COL14A1: variants seen among roughly 807,000 people sequenced by gnomAD.
COL14A1 encodes the protein collagen type XIV alpha 1 chain.
COL14A1 carries 136 observed loss-of-function variants against 230.3 expected under a neutral mutation model. The observed-to-expected ratio is 0.59, with a 90% CI of 0.51 to 0.68. COL14A1 has a LOEUF of 0.68. Ranked by LOEUF, COL14A1 falls within the 30% of genes least tolerant of loss-of-function variation. The pLI is 0.00. For synonymous variants in COL14A1, 792 were observed against 784.1 expected (o/e 1.01, Z -0.17); for missense variants, 1,976 against 2,215.8 (o/e 0.89, Z 2.17).
intron 14 of COL14A1, among the ~76,000 whole-genome samples, chr8:120,219,309 G>A (rs761551838): frequency 6.6e-6 from 1 of 152,102 alleles, no homozygotes; most frequent in Non-Finnish European, 1.5e-5. Context: ...TTGCCATGTG[G>A]CCCAGGCTGG....
At chr8:120,271,015 C>T (rs932958074) in intron 26 of COL14A1, among the ~76,000 whole-genome samples, 1 of 151,686 alleles carries the variant, frequency 6.6e-6, no homozygotes, top group African/African-American at 2.4e-5. Flanking sequence ...AAATGTGGTA[C>T]ATATACATCA....
chr8:120,336,358 T>C lies in COL14A1; in HGVS notation c.4785+3623T>C, dbSNP rs960311724. ...AACCCACAAAGACAGAAAGATTGCA[T>C]CACTTAGGTGGCAGTTGCAGAAAAA... On this transcript the variant is annotated intron_variant, in intron 42 of 47. Transcript: ENST00000297848. Among the ~76,000 whole-genome samples, 2 of 152,228 alleles carry C rather than the reference T, an allele frequency of 1.3e-5. 1 individual carries two copies. The highest frequency in any genetic ancestry group is 4.2e-4 in the South Asian group (2 of 4,810).
At chr8:120,357,393 G>C (rs1823025791) in intron 45 of COL14A1, among the ~76,000 whole-genome samples, 1 of 152,108 alleles carries the variant, frequency 6.6e-6, no homozygotes, top group African/African-American at 2.4e-5. Context: ...AACGCATAGA[G>C]GCTGCTTTCC....
intron 2 of COL14A1, among the ~76,000 whole-genome samples, chr8:120,149,744 A>G (rs1391901128): frequency 6.7e-6 from 1 of 148,318 alleles, no homozygotes; most frequent in Non-Finnish European, 1.5e-5. Context: ...CTGGAGTGCA[A>G]TGGCAAATGG....
chr8:120,244,992 T>G (rs1010830), intron 20 of COL14A1, among the ~76,000 whole-genome samples: 89,788 of 151,978 alleles, frequency 0.59, 27,975 homozygotes, highest in East Asian at 0.79. Context: ...CATTTCCCCA[T>G]TCATACCTCC....
chr8:120,233,183 G>A (rs1818332749), intron 19 of COL14A1, among the ~76,000 whole-genome samples: 1 of 152,066 alleles, frequency 6.6e-6, no homozygotes, highest in African/African-American at 2.4e-5. Context: ...TGTCAGATGA[G>A]TAGATTGCAA....
intron 2 of COL14A1, among the ~76,000 whole-genome samples, chr8:120,148,144 C>CTT (rs59311466): frequency 2.5e-4 from 31 of 122,964 alleles, no homozygotes; most frequent in African/African-American, 3.3e-4. Flanking sequence ...ATAGGTCATT[C>CTT]TTTTTTTTTT....
intron 36 of COL14A1, among the ~76,000 whole-genome samples, chr8:120,305,709 T>C (rs554445795): frequency 2.0e-4 from 31 of 152,276 alleles, no homozygotes; most frequent in African/African-American, 7.0e-4. Flanking sequence ...AATTTTTGCT[T>C]TTTATTTGTG....
intron 19 of COL14A1, among the ~76,000 whole-genome samples, chr8:120,235,466 C>G (rs1818412342): frequency 6.6e-6 from 1 of 151,998 alleles, no homozygotes; most frequent in Non-Finnish European, 1.5e-5. Flanking sequence ...ACCCCTGCCC[C>G]CTTTACCATT....
chr8:120,227,106 G>A (rs1041433864), intron 16 of COL14A1, 114 bp from the exon 17 acceptor site: 22 of 1,203,078 alleles, frequency 1.8e-5, no homozygotes, highest in East Asian at 1.5e-4. Flanking sequence ...AATGGACTTC[G>A]ACAGCCTTGG....
chr8:120,214,267 T>C (rs2130771261), intron 13 of COL14A1, among the ~76,000 whole-genome samples: 1 of 152,314 alleles, frequency 6.6e-6, no homozygotes, highest in Non-Finnish European at 1.5e-5. Flanking sequence ...ACTGGGACGT[T>C]GGCCAAGTTA....
rs1818074506 is a variant in COL14A1, at chr8:120,225,754, A to T, written c.1864+540A>T. ...TCTTTTCTATATGTACCCTGTAGCC[A>T]CTTTTTATCTCTTGGTGGCAACAAT... is the stretch of plus-strand genomic sequence containing the variant. On this transcript the variant is annotated intron_variant, in intron 15 of 47. Transcript: ENST00000297848. 2.0e-5 allele frequency among the ~76,000 whole-genome samples: 3 copies of T among 151,830 alleles called. 1 individual carries two copies. The South Asian group carries it at 6.3e-4, about 32-fold the overall frequency.
At chr8:120,359,531 G>A (rs1823116948) in intron 45 of COL14A1, among the ~76,000 whole-genome samples, 1 of 152,102 alleles carries the variant, frequency 6.6e-6, no homozygotes, top group Non-Finnish European at 1.5e-5. Flanking sequence ...TGCTAAACCT[G>A]AAATGTTCAT....
At chr8:120,148,928 T>A (rs551069912) in intron 2 of COL14A1, among the ~76,000 whole-genome samples, 1 of 152,338 alleles carries the variant, frequency 6.6e-6, no homozygotes, top group Admixed American at 6.5e-5. Flanking sequence ...ATAAATAAAG[T>A]TTTAGTGGCG....
At chr8:120,365,484 T>A (rs182919929) in intron 45 of COL14A1, among the ~76,000 whole-genome samples, 1 of 152,172 alleles carries the variant, frequency 6.6e-6, no homozygotes, top group Non-Finnish European at 1.5e-5. Flanking sequence ...CGGATGCACA[T>A]TGGGGCATAA....
At chr8:120,185,578 C>T (rs887904940) in intron 5 of COL14A1, among the ~76,000 whole-genome samples, 14 of 152,070 alleles carry the variant, frequency 9.2e-5, no homozygotes, top group African/African-American at 3.4e-4. Flanking sequence ...GAGGCGGGAT[C>T]ACTTGAGCCC....
chr8:120,138,830 G>GT (rs1170146336), intron 1 of COL14A1, among the ~76,000 whole-genome samples: 13 of 151,950 alleles, frequency 8.6e-5, no homozygotes, highest in Admixed American at 2.6e-4. Flanking sequence ...TTTTGTTGTT[G>GT]TTTTTTTGGT....
intron 5 of COL14A1, among the ~76,000 whole-genome samples, chr8:120,175,767 T>A (rs1245957061): frequency 6.6e-6 from 1 of 152,220 alleles, no homozygotes; most frequent in East Asian, 1.9e-4. Context: ...TGCTTATCTT[T>A]GTCTTAGAAT....
At chr8:120,243,711 G>A (rs1818678531) in intron 19 of COL14A1, among the ~76,000 whole-genome samples, 168 bp from the exon 20 acceptor site, 1 of 152,150 alleles carries the variant, frequency 6.6e-6, no homozygotes, top group African/African-American at 2.4e-5. Flanking sequence ...TACTGTGATG[G>A]GAATTTCAGG....
Sources: allele counts gnomAD v4.1 joint callset (sites outside exome capture counted in the v4.1 genomes callset), GRCh38; gene constraint gnomAD v4.1.1; transcripts MANE v1.5; gene names NCBI Gene and HGNC (gene_info 2026-07-23, HGNC 2026-07-21).